The following BCORL1 variants were observed in gnomAD, a reference collection of about 807,000 sequenced individuals.
The protein encoded by BCORL1 is BCL6 corepressor like 1.
In BCORL1, 7 loss-of-function variants were observed where a neutral mutation model predicts 87.6. The ratio of observed to expected loss-of-function variants is 0.08; its 90% CI spans 0.05 to 0.15. The LOEUF (loss-of-function observed/expected upper bound fraction) is 0.15, where lower values mean the gene tolerates loss of function less well. Among genes scored for constraint, BCORL1 ranks in the 10% least tolerant of loss-of-function variants. The pLI is 1.00. For synonymous variants in BCORL1, 591 were observed against 634.4 expected, an observed-to-expected ratio of 0.93 and a Z score of 1.03; for missense variants, 1,215 against 1,499.7, an observed-to-expected ratio of 0.81 and a Z score of 3.13.
intron 3 of BCORL1, 78 bp downstream of exon 3, chrX:130,012,746 A>G (rs1047972511): frequency 1.9e-6 from 2 of 1,049,695 alleles, no homozygotes. Context: ...CCAGCCTGCC[A>G]TCCCAGGAAG....
intron 7 of BCORL1, among the ~76,000 whole-genome samples, chrX:130,025,666 T>C (rs1189237548): frequency 9.0e-6 from 1 of 111,160 alleles, no homozygotes; most frequent in East Asian, 2.8e-4. Context: ...ATCCTTGGCA[T>C]GGGACAACTG....
chrX:130,019,462 T>G lies in BCORL1; in HGVS notation c.3442-1523T>G, dbSNP rs1929655140. On this transcript the variant is annotated intron_variant, in intron 4 of 13. Transcript: ENST00000540052. ...TTAGTTTTTAAGCAGTAGTTCCTCA[T>G]CTTCCTCTTTCCAACCAATGCTTTC... is the stretch of plus-strand genomic sequence containing the variant. Among the ~76,000 whole-genome samples, 3 of 112,881 alleles carry G rather than the reference T, an allele frequency of 2.7e-5. No homozygotes were observed. The South Asian group carries it at 1.1e-3, about 41-fold the overall frequency.
At chrX:130,031,086 C>T (rs939004917) in intron 8 of BCORL1, among the ~76,000 whole-genome samples, 5 of 112,450 alleles carry the variant, frequency 4.4e-5, no homozygotes, top group Non-Finnish European at 3.8e-5. Flanking sequence ...TGTTCTTGCT[C>T]CTCCCCCTCC....
chrX:130,032,755 A>C (rs1285968282), intron 8 of BCORL1, among the ~76,000 whole-genome samples: 2 of 107,045 alleles, frequency 1.9e-5, no homozygotes, highest in Non-Finnish European at 3.8e-5. Flanking sequence ...TTATTTATTT[A>C]TTTATTTATT....
Position 130,022,885 on chromosome X carries a change from A to C in BCORL1, c.3608-12A>C, listed in dbSNP as rs2016908801. 8.3e-7 allele frequency: 1 copy of C among 1,205,402 alleles called. No individual in the cohort carries two copies. Among genetic ancestry groups the C allele is most frequent in the African/African-American group, 1.7e-5 (1 of 57,627 alleles). On this transcript the variant is annotated splice_polypyrimidine_tract_variant and intron_variant, in intron 5 of 13. Coordinates refer to ENST00000540052, the MANE Select transcript of BCORL1 (RefSeq NM_001379451.1). ...TTTCTGCCTTCTGTCCCCAAACCAC[A>C]CATCACTCCAGGTTCCTTGGAAAAG...
intron 2 of BCORL1, among the ~76,000 whole-genome samples, chrX:130,007,061 G>A: frequency 8.9e-6 from 1 of 112,039 alleles, no homozygotes. Context: ...TGCGCATATA[G>A]GGGAGTATTG....
intron 9 of BCORL1, among the ~76,000 whole-genome samples, chrX:130,034,923 C>T (rs1487962848): frequency 3.6e-5 from 4 of 111,586 alleles, no homozygotes; most frequent in African/African-American, 1.3e-4. Context: ...ACCAGGAACG[C>T]AATTTTTGGA....
chrX:130,042,675 A>G (rs938667274), intron 11 of BCORL1, among the ~76,000 whole-genome samples: 1 of 111,932 alleles, frequency 8.9e-6, no homozygotes, highest in Non-Finnish European at 1.9e-5. Flanking sequence ...TAATCATTTT[A>G]AAGTGAACAA....
At chrX:130,001,081 T>C (rs1319394948) in intron 1 of BCORL1, among the ~76,000 whole-genome samples, 1 of 111,630 alleles carries the variant, frequency 9.0e-6, no homozygotes, top group Non-Finnish European at 1.9e-5. Context: ...AGGATGCTTT[T>C]TTTTTCTTTT....
intron 1 of BCORL1, among the ~76,000 whole-genome samples, chrX:130,004,240 G>GTTTTT (rs1569361713): frequency 8.8e-4 from 87 of 98,494 alleles, no homozygotes; most frequent in African/African-American, 3.6e-3. Flanking sequence ...AGAAATGTGT[G>GTTTTT]GTTTTTTTTT....
At chrX:130,033,963 C>T (rs1039430680) in intron 8 of BCORL1, among the ~76,000 whole-genome samples, 1 of 110,025 alleles carries the variant, frequency 9.1e-6, no homozygotes, top group African/African-American at 3.3e-5. Flanking sequence ...GCCTCAGTGA[C>T]AAAGTGAGAC....
intron 11 of BCORL1, 115 bp from the exon 12 acceptor site, chrX:130,050,602 T>C (rs1051298276): frequency 4.9e-6 from 3 of 611,976 alleles, no homozygotes; most frequent in Non-Finnish European, 8.3e-6. Context: ...CTGGACTCTC[T>C]TGTGGTCCTT....
intron 13 of BCORL1, among the ~76,000 whole-genome samples, chrX:130,054,030 G>T (rs776493653): frequency 8.9e-6 from 1 of 112,272 alleles, no homozygotes; most frequent in Non-Finnish European, 1.9e-5. Flanking sequence ...TGCTGGAACA[G>T]AACATTTGAT....
chrX:130,018,439 AT>A (rs1929588056), intron 4 of BCORL1, among the ~76,000 whole-genome samples: 1 of 112,218 alleles, frequency 8.9e-6, no homozygotes, highest in Non-Finnish European at 1.9e-5. Flanking sequence ...AAACAATTGA[AT>A]TTTACACTTA....
In BCORL1 at chrX:130,001,992, G is replaced by A. The variant is rs1320211102; in HGVS notation, c.-44-3196G>A. ...AGAGCTGATGAGGGCCTGCACCAGGGTAGTGGCAAGAAGGGTAGAAGGCAA... is the reference window on the plus strand; with the variant it reads ...AGAGCTGATGAGGGCCTGCACCAGGATAGTGGCAAGAAGGGTAGAAGGCAA... On this transcript the variant is annotated intron_variant, in intron 1 of 13. Coordinates refer to ENST00000540052, the MANE Select transcript of BCORL1 (RefSeq NM_001379451.1). Among the ~76,000 whole-genome samples, 6 of 110,802 alleles carry A rather than the reference G, an allele frequency of 5.4e-5. No homozygotes were observed. The Admixed American group carries it at 5.8e-4, about 11-fold the overall frequency.
At chrX:130,000,933 G>A (rs1208531869) in intron 1 of BCORL1, among the ~76,000 whole-genome samples, 1 of 106,209 alleles carries the variant, frequency 9.4e-6, no homozygotes, top group Non-Finnish European at 1.9e-5. Flanking sequence ...TGTGTGTCGG[G>A]GGGTGGCTGT....
Position 130,016,289 on chromosome X carries a change from G to A in BCORL1, c.3441+76G>A, listed in dbSNP as rs965844576. On this transcript the variant is annotated intron_variant, in intron 4 of 13. Transcript: ENST00000540052. Reference sequence around the variant, plus strand: ...TTCGTGCCATGGATAGCAACCTCCTGTGACCCCTACCCTGTGACACAGTGC... The same window carrying A: ...TTCGTGCCATGGATAGCAACCTCCTATGACCCCTACCCTGTGACACAGTGC... The A allele has an allele frequency of 8.2e-6, 9 of 1,091,447 alleles. No homozygotes were observed. In the Admixed American group the frequency reaches 2.6e-4, roughly 31 times the overall value. The allele number at this position is 1,091,447 out of a possible 1,213,427, so 89.9% of individuals were successfully genotyped here. A position where few individuals can be genotyped will look rare whatever the true frequency, so the allele number is the denominator to read the frequency against.
intron 1 of BCORL1, among the ~76,000 whole-genome samples, chrX:130,003,946 T>C (rs1569361559): frequency 8.9e-6 from 1 of 111,855 alleles, no homozygotes; most frequent in Non-Finnish European, 1.9e-5. Flanking sequence ...TACAACTATA[T>C]CTTATTGTGA....
intron 7 of BCORL1, among the ~76,000 whole-genome samples, chrX:130,028,232 G>A (rs888856678): frequency 8.1e-5 from 9 of 111,508 alleles, no homozygotes; most frequent in African/African-American, 2.9e-4. Context: ...GATACTTAAT[G>A]TCAGCAGGAC....
Sources: allele counts gnomAD v4.1 joint callset (sites outside exome capture counted in the v4.1 genomes callset), GRCh38; gene constraint gnomAD v4.1.1; transcripts MANE v1.5; gene names NCBI Gene and HGNC (gene_info 2026-07-23, HGNC 2026-07-21).